Variants in ATF2 observed in about 807,000 individuals in gnomAD.
The protein encoded by ATF2 is activating transcription factor 2.
Under a neutral mutation model 60.6 loss-of-function variants are expected in ATF2, and 24 were observed. The observed-to-expected ratio is 0.40, with a 90% CI of 0.29 to 0.56. The LOEUF is 0.56. ATF2 is among the 20% of genes least tolerant of loss of function. The probability of loss-of-function intolerance (pLI) is 0.54; values close to 1 mark genes in which losing one functional copy is unlikely to be tolerated. For missense variants in ATF2, 433 were observed against 607.7 expected, an observed-to-expected ratio of 0.71 and a Z score of 3.02; for synonymous variants, 206 against 215.4, an observed-to-expected ratio of 0.96 and a Z score of 0.38.
intron 12 of ATF2, among the ~76,000 whole-genome samples, chr2:175,082,707 AC>A (rs1386140927): frequency 6.6e-6 from 1 of 152,168 alleles, no homozygotes; most frequent in African/African-American, 2.4e-5. Flanking sequence ...AGCCTCTCAT[AC>A]CCTTGCTACC....
intron 12 of ATF2, among the ~76,000 whole-genome samples, chr2:175,081,506 T>C (rs899432227): frequency 6.6e-6 from 1 of 152,130 alleles, no homozygotes; most frequent in African/African-American, 2.4e-5. Flanking sequence ...ACCCCGAATA[T>C]TAAAAACACG....
chr2:175,110,550 T>C (rs1696107939), intron 10 of ATF2, among the ~76,000 whole-genome samples: 1 of 152,206 alleles, frequency 6.6e-6, no homozygotes, highest in East Asian at 1.9e-4. Context: ...ATGTTATTAA[T>C]TAACTGACAT....
intron 13 of ATF2, among the ~76,000 whole-genome samples, chr2:175,079,261 T>G (rs1478610419): frequency 6.6e-6 from 1 of 152,210 alleles, no homozygotes; most frequent in Non-Finnish European, 1.5e-5. Flanking sequence ...CTGAATTGGA[T>G]ACAATTTAAG....
intron 12 of ATF2, among the ~76,000 whole-genome samples, chr2:175,092,220 GGT>G (rs75862980): frequency 0.038 from 5,830 of 152,186 alleles, 131 homozygotes; most frequent in Admixed American, 0.094. Context: ...GAAGACAGCA[GGT>G]CTCTTACCAT....
intron 10 of ATF2, 45 bp downstream of exon 10, chr2:175,111,523 A>T: frequency 6.6e-7 from 1 of 1,519,312 alleles, no homozygotes; most frequent in Non-Finnish European, 9.1e-7. Flanking sequence ...ACATTAATTC[A>T]AAACAGCCTC....
intron 5 of ATF2, 109 bp downstream of exon 5, chr2:175,121,335 G>A (rs1020394508): frequency 8.8e-6 from 5 of 566,092 alleles, no homozygotes; most frequent in Non-Finnish European, 1.4e-5. Flanking sequence ...TTACTATAAT[G>A]AAGTCATTGG....
intron 3 of ATF2, chr2:175,132,554 CTA>C (rs1472530366): frequency 6.6e-6 from 1 of 152,172 alleles, no homozygotes; most frequent in Non-Finnish European, 1.5e-5. Flanking sequence ...TGTTTACAAT[CTA>C]TGTCATAAGA....
intron 2 of ATF2, among the ~76,000 whole-genome samples, chr2:175,146,568 C>T (rs1472611262): frequency 6.6e-6 from 1 of 152,162 alleles, no homozygotes; most frequent in Admixed American, 6.5e-5. Flanking sequence ...CAGCAGTCCT[C>T]CACTTATCTG....
intron 12 of ATF2, among the ~76,000 whole-genome samples, chr2:175,088,562 T>C (rs1211383991): frequency 6.6e-6 from 1 of 151,966 alleles, no homozygotes; most frequent in Non-Finnish European, 1.5e-5. Context: ...ATTAGGTTGG[T>C]GCAAACGGAA....
chr2:175,114,956 A>T, intron 7 of ATF2, 88 bp from the exon 8 acceptor site: 1 of 1,268,674 alleles, frequency 7.9e-7, no homozygotes, highest in Non-Finnish European at 1.1e-6. Flanking sequence ...TTCTAAAAGC[A>T]TCTACAGAAT....
chr2:175,110,517 G>A (rs1325772408), intron 10 of ATF2, among the ~76,000 whole-genome samples: 3 of 152,082 alleles, frequency 2.0e-5, no homozygotes, highest in South Asian at 2.1e-4. Flanking sequence ...GATATAGAAC[G>A]TTAACATCTA....
chr2:175,076,666 T>A (rs1153692), intron 13 of ATF2, among the ~76,000 whole-genome samples: 31,470 of 151,730 alleles, frequency 0.21, 3,895 homozygotes, highest in African/African-American at 0.35. Flanking sequence ...TACATGTATA[T>A]AGAAAACAAA....
At chr2:175,090,802 C>A (rs1235148339) in intron 12 of ATF2, among the ~76,000 whole-genome samples, 1 of 152,026 alleles carries the variant, frequency 6.6e-6, no homozygotes, top group Non-Finnish European at 1.5e-5. Flanking sequence ...TTTCTCCAAT[C>A]AAAAAACTTC....
At chr2:175,139,072 A>G (rs987475306) in intron 2 of ATF2, among the ~76,000 whole-genome samples, 7 of 152,336 alleles carry the variant, frequency 4.6e-5, no homozygotes, top group Admixed American at 2.0e-4. Flanking sequence ...TAGTATATGT[A>G]AAGTATATAG....
intron 1 of ATF2, among the ~76,000 whole-genome samples, chr2:175,165,905 C>G (rs1177353546): frequency 6.6e-6 from 1 of 152,188 alleles, no homozygotes; most frequent in Non-Finnish European, 1.5e-5. Context: ...ACCTCATGAT[C>G]CGCCCCACTC....
chr2:175,110,279 G>A (rs1015714824), intron 10 of ATF2, among the ~76,000 whole-genome samples: 1 of 152,090 alleles, frequency 6.6e-6, no homozygotes, highest in Non-Finnish European at 1.5e-5. Flanking sequence ...AGGTTGCAGT[G>A]AGCTGAGATT....
At chr2:175,095,665 C>A (rs1184909863) in intron 11 of ATF2, among the ~76,000 whole-genome samples, 2 of 152,120 alleles carry the variant, frequency 1.3e-5, no homozygotes, top group Non-Finnish European at 2.9e-5. Flanking sequence ...CTTATAGGAA[C>A]TATTCTAGAA....
intron 13 of ATF2, among the ~76,000 whole-genome samples, chr2:175,075,341 A>T (rs1693218877): frequency 6.6e-6 from 1 of 152,180 alleles, no homozygotes; most frequent in Admixed American, 6.6e-5. Flanking sequence ...TATTGCAGCC[A>T]TGGATGATTA....
intron 10 of ATF2, among the ~76,000 whole-genome samples, chr2:175,109,760 A>G (rs1022677594): frequency 6.6e-6 from 1 of 152,352 alleles, no homozygotes; most frequent in South Asian, 2.1e-4. Context: ...ATCAATCAGT[A>G]TACTAAAATA....
Sources: gnomAD v4.1 joint callset for allele counts (sites outside exome capture counted in the v4.1 genomes callset) on GRCh38, gnomAD v4.1.1 for gene constraint, MANE v1.5 for transcripts, NCBI Gene and HGNC (gene_info 2026-07-23, HGNC 2026-07-21) for gene names.